MED13L: variants seen among roughly 807,000 people sequenced by gnomAD.
MED13L encodes mediator complex subunit 13L.
Under a neutral mutation model 220.9 loss-of-function variants are expected in MED13L, and 7 were observed. That is an observed-to-expected ratio of 0.03 (90% confidence interval 0.02 to 0.06). MED13L has a LOEUF of 0.06. MED13L is among the 10% of genes least tolerant of loss of function. The probability of loss-of-function intolerance (pLI) is 1.00; values close to 1 mark genes in which losing one functional copy is unlikely to be tolerated. For missense variants in MED13L, 1,965 were observed against 2,760.5 expected, an observed-to-expected ratio of 0.71 and a Z score of 6.46; for synonymous variants, 1,011 against 1,015.2, an observed-to-expected ratio of 1.00 and a Z score of 0.08.
At chr12:116,274,788 T>C (rs905015156) in intron 1 of MED13L, among the ~76,000 whole-genome samples, 1 of 152,078 alleles carries the variant, frequency 6.6e-6, no homozygotes, top group East Asian at 1.9e-4. Context: ...TAGTTCAAAG[T>C]TGCTACTTAA....
chr12:116,172,602 G>A (rs1234088839), intron 2 of MED13L, among the ~76,000 whole-genome samples: 1 of 152,162 alleles, frequency 6.6e-6, no homozygotes, highest in Non-Finnish European at 1.5e-5. Context: ...AGGCAACACA[G>A]CATAGTGAAA....
At chr12:115,979,674 C>G (rs1565990410) in intron 23 of MED13L, among the ~76,000 whole-genome samples, 1 of 152,134 alleles carries the variant, frequency 6.6e-6, no homozygotes, top group African/African-American at 2.4e-5. Context: ...AACAACATTA[C>G]CAACTAAAAA....
chr12:116,071,740 T>G (rs769565642), intron 4 of MED13L, among the ~76,000 whole-genome samples: 1 of 152,208 alleles, frequency 6.6e-6, no homozygotes, highest in Non-Finnish European at 1.5e-5. Flanking sequence ...CCAGAAACAT[T>G]ACATATGTAT....
At position 116,277,171 on chromosome 12, in the gene MED13L, G is replaced by A. The variant is rs1243580285; in HGVS notation, c.-40C>T. 5 of 1,492,694 alleles carry A rather than the reference G, an allele frequency of 3.3e-6. No homozygotes were observed. The African/African-American group carries it at 7.1e-5, about 21-fold the overall frequency. The allele number at this position is 1,492,694 out of a possible 1,614,324, so 92.5% of individuals were successfully genotyped here. ...CCGGCCGCCAGAGCGGGGCATGTCG[G>A]AGCGAGGCGTCCGAGGCGAGGCCGG... is the stretch of plus-strand genomic sequence containing the variant. On this transcript the variant is annotated 5_prime_UTR_variant, in exon 1 of 31. Coordinates refer to ENST00000281928, the MANE Select transcript of MED13L (RefSeq NM_015335.5).
At chr12:116,137,556 A>G (rs1270972171) in intron 2 of MED13L, among the ~76,000 whole-genome samples, 1 of 152,152 alleles carries the variant, frequency 6.6e-6, no homozygotes, top group Non-Finnish European at 1.5e-5. Flanking sequence ...AAGCTGGGTA[A>G]AAATTATGAG....
At chr12:116,121,595 C>G (rs1875099296) in intron 2 of MED13L, among the ~76,000 whole-genome samples, 2 of 152,182 alleles carry the variant, frequency 1.3e-5, no homozygotes, top group South Asian at 4.1e-4. Context: ...CAAGCTCATG[C>G]TTTTAGAATT....
chr12:116,241,395 A>C (rs1234409313), intron 1 of MED13L, among the ~76,000 whole-genome samples: 1 of 152,064 alleles, frequency 6.6e-6, no homozygotes, highest in Admixed American at 6.6e-5. Flanking sequence ...ATCTAATAAC[A>C]TTAACCTTAT....
intron 4 of MED13L, among the ~76,000 whole-genome samples, chr12:116,046,190 G>C (rs1881822484): frequency 6.6e-6 from 1 of 152,142 alleles, no homozygotes; most frequent in Non-Finnish European, 1.5e-5. Context: ...TGTGAAACTG[G>C]AGTTCTGTTT....
At chr12:116,149,487 T>C (rs1417030629) in intron 2 of MED13L, among the ~76,000 whole-genome samples, 4 of 152,224 alleles carry the variant, frequency 2.6e-5, no homozygotes, top group African/African-American at 9.6e-5. Context: ...TTAATTCTCA[T>C]TTGACAAAGA....
chr12:116,125,325 A>G (rs1875488294), intron 2 of MED13L, among the ~76,000 whole-genome samples: 1 of 152,218 alleles, frequency 6.6e-6, no homozygotes, highest in African/African-American at 2.4e-5. Flanking sequence ...CAATCAATGC[A>G]AACGGTTATG....
In MED13L at chr12:116,277,177, G is replaced by C. The variant is rs1873938868; in HGVS notation, c.-46C>G. On this transcript the variant is annotated 5_prime_UTR_variant, in exon 1 of 31. Coordinates refer to ENST00000281928, the MANE Select transcript of MED13L (RefSeq NM_015335.5). ...GCCAGAGCGGGGCATGTCGGAGCGA[G>C]GCGTCCGAGGCGAGGCCGGGCCGGG... is the stretch of plus-strand genomic sequence containing the variant. 1.4e-6 allele frequency: 2 copies of C among 1,415,142 alleles called. No homozygotes were observed. Among genetic ancestry groups the C allele is most frequent in the Non-Finnish European group, 9.4e-7 (1 of 1,063,248 alleles). 87.7% of individuals were successfully genotyped at this position (1,415,142 alleles called of 1,614,324 possible). A position where few individuals can be genotyped will look rare whatever the true frequency, so the allele number is the denominator to read the frequency against.
At chr12:116,186,081 T>A (rs575578925) in intron 2 of MED13L, among the ~76,000 whole-genome samples, 1 of 152,234 alleles carries the variant, frequency 6.6e-6, no homozygotes, top group African/African-American at 2.4e-5. Flanking sequence ...CTGCATTTCA[T>A]CATATACTTC....
intron 4 of MED13L, among the ~76,000 whole-genome samples, chr12:116,061,831 C>T (rs1246674751): frequency 6.6e-6 from 1 of 151,840 alleles, no homozygotes; most frequent in Non-Finnish European, 1.5e-5. Flanking sequence ...CACAGTGAAA[C>T]CACATCTCTA....
At chr12:116,178,640 C>A (rs928811533) in intron 2 of MED13L, among the ~76,000 whole-genome samples, 1 of 152,162 alleles carries the variant, frequency 6.6e-6, no homozygotes, top group Non-Finnish European at 1.5e-5. Context: ...TTCTTACAAC[C>A]CACTTGCCTT....
Position 115,983,496 on chromosome 12 carries a change from GTAT to G in MED13L, c.4573_4575del (p.Ile1525del). The G allele has an allele frequency of 6.2e-7, 1 of 1,614,168 alleles. No individual in the cohort carries two copies. Among genetic ancestry groups the G allele is most frequent in the Non-Finnish European group, 8.5e-7 (1 of 1,180,016 alleles). ...GCTGGTGGGGTCTGGTATTTAGGTG[GTAT>G]CAATAGGCTGCTATCAAGCTGCAGA... On this transcript the variant is annotated inframe_deletion, in exon 21 of 31. Coordinates refer to ENST00000281928, the MANE Select transcript of MED13L (RefSeq NM_015335.5).
chr12:116,063,022 G>C (rs1444354699), intron 4 of MED13L, among the ~76,000 whole-genome samples: 1 of 152,144 alleles, frequency 6.6e-6, no homozygotes, highest in Non-Finnish European at 1.5e-5. Flanking sequence ...ATAAGTTGTA[G>C]ATCATTCTTG....
intron 4 of MED13L, among the ~76,000 whole-genome samples, chr12:116,074,390 G>A (rs1870620705): frequency 6.6e-6 from 1 of 152,124 alleles, no homozygotes; most frequent in African/African-American, 2.4e-5. Context: ...GTGAGACTCT[G>A]CCTCAAAACA....
intron 1 of MED13L, among the ~76,000 whole-genome samples, chr12:116,258,906 T>G (rs1336780451): frequency 6.7e-6 from 1 of 149,164 alleles, no homozygotes; most frequent in Non-Finnish European, 1.5e-5. Flanking sequence ...ATTGAAAATT[T>G]AAATATTGAG....
At chr12:116,271,520 G>A (rs995753221) in intron 1 of MED13L, among the ~76,000 whole-genome samples, 1 of 151,898 alleles carries the variant, frequency 6.6e-6, no homozygotes, top group Non-Finnish European at 1.5e-5. Flanking sequence ...CGTGAACCCG[G>A]GAGGCTGAGG....
Sources: allele counts gnomAD v4.1 joint callset (sites outside exome capture counted in the v4.1 genomes callset), GRCh38; gene constraint gnomAD v4.1.1; transcripts MANE v1.5; gene names NCBI Gene and HGNC (gene_info 2026-07-23, HGNC 2026-07-21).